The following ANXA9 variants were observed in gnomAD, a reference collection of about 807,000 sequenced individuals.
The protein encoded by ANXA9 is annexin 31.
A neutral mutation model predicts 51.8 loss-of-function variants in ANXA9; 47 were observed. The ratio of observed to expected loss-of-function variants is 0.91; its 90% CI spans 0.72 to 1.16. The LOEUF is 1.16. Among genes scored for constraint, ANXA9 ranks in the 50% most tolerant of loss-of-function variants. The probability of loss-of-function intolerance (pLI) is 0.00; values close to 1 mark genes in which losing one functional copy is unlikely to be tolerated. For synonymous variants in ANXA9, 154 were observed against 168.7 expected (o/e 0.91, Z 0.68); for missense variants, 361 against 424.7 (o/e 0.85, Z 1.32).
At chr1:150,979,307 C>G (rs978377062), upstream of ANXA9, among the ~76,000 whole-genome samples, 1 of 151,920 alleles carries the variant, frequency 6.6e-6, no homozygotes, top group Non-Finnish European at 1.5e-5. Context: ...AACAGGAGGC[C>G]TCACGCTTCC....
chr1:150,995,333 C>G lies in ANXA9; in HGVS notation c.*11C>G. The G allele has an allele frequency of 6.3e-7, 1 of 1,597,040 alleles. No homozygotes were observed. Among genetic ancestry groups the G allele is most frequent in the Non-Finnish European group, 8.5e-7 (1 of 1,171,814 alleles). The stretch of plus-strand genomic sequence containing the variant: ...GCTGAAGACATGTGAGACTTCCCTG[C>G]CCCACCCCACATGACATCCGAGGAT... On this transcript the variant is annotated 3_prime_UTR_variant, in exon 14 of 14. Coordinates refer to ENST00000368947, the MANE Select transcript of ANXA9 (RefSeq NM_003568.3).
intron 12 of ANXA9, among the ~76,000 whole-genome samples, chr1:150,992,589 C>T (rs934307937): frequency 6.6e-6 from 1 of 151,948 alleles, no homozygotes; most frequent in African/African-American, 2.4e-5. Flanking sequence ...GCGAGCAGAT[C>T]ACTTGAGGTC....
intron 10 of ANXA9, 22 bp from the exon 11 acceptor site, chr1:150,988,069 A>G: frequency 1.9e-6 from 3 of 1,613,950 alleles, no homozygotes; most frequent in Non-Finnish European, 2.5e-6. Flanking sequence ...CCATCTTTCT[A>G]ACTGCCTCCT....
rs753344856 is a variant in ANXA9 at position 150,983,486 on chromosome 1, G to C, written c.172+52G>C. 3 of 1,495,406 alleles carry C rather than the reference G, an allele frequency of 2.0e-6. No homozygotes were observed. In the South Asian group the frequency reaches 3.6e-5, roughly 18 times the overall value. The allele number at this position is 1,495,406 out of a possible 1,614,324, so 92.6% of individuals were successfully genotyped here. A position where few individuals can be genotyped will look rare whatever the true frequency, so the allele number is the denominator to read the frequency against. On this transcript the variant is annotated intron_variant, in intron 4 of 13. Transcript: ENST00000368947. ...GACTGCCTTTTAGAGCCAATCTGTA[G>C]ACCAAGGAGGAGCCAGGAAGGAGGA...
rs587747081 is a variant in ANXA9, at chr1:150,983,023, G to A, written c.-16-67G>A. 4 of 1,214,382 alleles carry A rather than the reference G, an allele frequency of 3.3e-6. No homozygotes were observed. The Admixed American group carries it at 6.3e-5, about 19-fold the overall frequency. The allele number at this position is 1,214,382 out of a possible 1,614,324, so 75.2% of individuals were successfully genotyped here. A position where few individuals can be genotyped will look rare whatever the true frequency, so the allele number is the denominator to read the frequency against. ...TGGAACCCAGGGTCCAGGGTCTCGG[G>A]GGGGTCATAAGGAGTCCCTGAAGGG... On this transcript the variant is annotated intron_variant, in intron 2 of 13. Coordinates refer to ENST00000368947, the MANE Select transcript of ANXA9 (RefSeq NM_003568.3).
chr1:150,995,202 G>A (rs1160928189), intron 13 of ANXA9, 58 bp from the exon 14 acceptor site: 1 of 1,545,172 alleles, frequency 6.5e-7, no homozygotes, highest in African/African-American at 1.4e-5. Flanking sequence ...GGAGGGGAGA[G>A]AGCACTTGGG....
upstream of ANXA9, among the ~76,000 whole-genome samples, chr1:150,978,783 G>A (rs1240016600): frequency 3.3e-5 from 5 of 152,006 alleles, no homozygotes; most frequent in Admixed American, 3.3e-4. Context: ...GGCCAACATG[G>A]TGAAACACTG....
chr1:150,984,087 TC>T lies in ANXA9; in HGVS notation c.267+21del. 6.2e-7 allele frequency: 1 copy of T among 1,605,014 alleles called. No individual in the cohort carries two copies. The highest frequency in any genetic ancestry group is 8.5e-7 in the Non-Finnish European group (1 of 1,176,634). ...CCCAACAGGTGAGGCCATGCTGACC[TC>T]CCACAGCAGTGGACTGGGGTGAGAA... is the stretch of plus-strand genomic sequence containing the variant. On this transcript the variant is annotated intron_variant, in intron 5 of 13. Transcript: ENST00000368947.
At chr1:150,989,478 G>A (rs1486855944) in intron 12 of ANXA9, among the ~76,000 whole-genome samples, 1 of 152,038 alleles carries the variant, frequency 6.6e-6, no homozygotes, top group East Asian at 2.0e-4. Context: ...ATCACTTGAG[G>A]TCAGGAGTTC....
At chr1:150,980,909 A>G (rs892329067), upstream of ANXA9, among the ~76,000 whole-genome samples, 1 of 151,576 alleles carries the variant, frequency 6.6e-6, no homozygotes, top group African/African-American at 2.4e-5. Flanking sequence ...TTATTTATTT[A>G]TTTATTTTTA....
chr1:150,994,979 C>T, intron 13 of ANXA9: 1 of 297,066 alleles, frequency 3.4e-6, no homozygotes, highest in Non-Finnish European at 5.0e-6. Context: ...GTAATCCCAG[C>T]TACTCAGGAG....
upstream of ANXA9, among the ~76,000 whole-genome samples, chr1:150,981,198 G>A (rs1671412105): frequency 6.6e-6 from 1 of 152,188 alleles, no homozygotes; most frequent in African/African-American, 2.4e-5. Flanking sequence ...GAGGAGCAGT[G>A]ATTACCGCCA....
chr1:150,977,446 C>A (rs1208007434), upstream of ANXA9, among the ~76,000 whole-genome samples: 1 of 152,208 alleles, frequency 6.6e-6, no homozygotes, highest in Non-Finnish European at 1.5e-5. Context: ...ACCCTTCCAA[C>A]CCATCCCCCA....
At chr1:150,987,585 A>G (rs1671596329) in intron 9 of ANXA9, among the ~76,000 whole-genome samples, 1 of 151,580 alleles carries the variant, frequency 6.6e-6, no homozygotes, top group Non-Finnish European at 1.5e-5. Flanking sequence ...AAAATTAGCC[A>G]GGCATGATGG....
At chr1:150,978,975 A>G (rs187508038), upstream of ANXA9, among the ~76,000 whole-genome samples, 1 of 151,912 alleles carries the variant, frequency 6.6e-6, no homozygotes, top group East Asian at 1.9e-4. Flanking sequence ...AAAAAAAGAA[A>G]AGAAAAGGTG....
At chr1:150,981,089 G>A (rs1435917956), upstream of ANXA9, among the ~76,000 whole-genome samples, 1 of 152,132 alleles carries the variant, frequency 6.6e-6, no homozygotes, top group Admixed American at 6.6e-5. Context: ...GAAAGGACTA[G>A]CGAAGCTTAC....
intron 7 of ANXA9, among the ~76,000 whole-genome samples, chr1:150,985,947 C>A (rs879286212): frequency 6.6e-6 from 1 of 151,894 alleles, no homozygotes; most frequent in African/African-American, 2.4e-5. Flanking sequence ...TCTCCCTTTC[C>A]TGCTCTTTTC....
At chr1:150,988,734 A>T (rs1671628833) in intron 12 of ANXA9, among the ~76,000 whole-genome samples, 1 of 152,216 alleles carries the variant, frequency 6.6e-6, no homozygotes, top group African/African-American at 2.4e-5. Flanking sequence ...AGCAGGGCAC[A>T]CATATTTCAA....
intron 7 of ANXA9, among the ~76,000 whole-genome samples, chr1:150,985,503 C>T (rs932764540): frequency 1.3e-5 from 2 of 151,888 alleles, no homozygotes; most frequent in African/African-American, 4.8e-5. Flanking sequence ...CTCATCTTAC[C>T]ACCCCTTCCC....
Sources: allele counts gnomAD v4.1 joint callset (sites outside exome capture counted in the v4.1 genomes callset), GRCh38; gene constraint gnomAD v4.1.1; transcripts MANE v1.5; gene names NCBI Gene and HGNC (gene_info 2026-07-23, HGNC 2026-07-21).